The following DCDC1 variants were observed in gnomAD, a reference collection of about 807,000 sequenced individuals.
DCDC1 encodes doublecortin domain containing 1.
Under a neutral mutation model 178.3 loss-of-function variants are expected in DCDC1, and 200 were observed. The ratio of observed to expected loss-of-function variants is 1.12; its 90% confidence interval spans 1.00 to 1.26. DCDC1 has a LOEUF of 1.26. DCDC1 is among the 50% of genes most tolerant of loss of function. The probability of loss-of-function intolerance (pLI) is 0.00; values close to 1 mark genes in which losing one functional copy is unlikely to be tolerated. For missense variants in DCDC1, 1,983 were observed against 1,749.2 expected (o/e 1.13, Z -2.38); for synonymous variants, 690 against 604.8 (o/e 1.14, Z -2.07).
At chr11:31,009,460 G>GTGTA (rs1952044351) in intron 20 of DCDC1, among the ~76,000 whole-genome samples, 1 of 151,608 alleles carries the variant, frequency 6.6e-6, no homozygotes, top group Admixed American at 6.6e-5. Flanking sequence ...GTGTGTGTGT[G>GTGTA]TGTGTGTGTG....
Position 31,296,189 on chromosome 11 carries a change from A to G in DCDC1, c.755-5337T>C, listed in dbSNP as rs182431093. 5.2e-4 allele frequency among the ~76,000 whole-genome samples: 79 copies of G among 152,294 alleles called. No homozygotes were observed. In the Middle Eastern group the frequency reaches 0.02, roughly 39 times the overall value. On this transcript the variant is annotated intron_variant, in intron 6 of 38. Transcript: ENST00000684477. ...CCTATGTGCCAGATTCTGTGCAAGG[A>G]ATATGAAAAAAGACACAAGTCCTTT...
chr11:31,298,604 C>A (rs965953436), intron 6 of DCDC1, among the ~76,000 whole-genome samples: 1 of 152,134 alleles, frequency 6.6e-6, no homozygotes, highest in African/African-American at 2.4e-5. Flanking sequence ...TTGATAGAAT[C>A]CATGTCTTAT....
chr11:31,254,479 A>G (rs1007834818), intron 8 of DCDC1, among the ~76,000 whole-genome samples: 5 of 152,366 alleles, frequency 3.3e-5, no homozygotes, highest in Non-Finnish European at 5.9e-5. Flanking sequence ...TTAGGAATAG[A>G]ATTTAGCTGT....
At chr11:31,063,895 A>T (rs1255536488) in intron 20 of DCDC1, among the ~76,000 whole-genome samples, 1 of 152,134 alleles carries the variant, frequency 6.6e-6, no homozygotes, top group Non-Finnish European at 1.5e-5. Context: ...AACCCCAACA[A>T]AATAATAATA....
intron 11 of DCDC1, among the ~76,000 whole-genome samples, chr11:31,123,815 T>C (rs1961161918): frequency 1.3e-5 from 2 of 152,118 alleles, no homozygotes; most frequent in Admixed American, 6.6e-5. Context: ...CCAACCATCT[T>C]GGTTTGCTGG....
In DCDC1 at chr11:31,103,671, T is replaced by C. The variant is rs778455539; in HGVS notation, c.1850A>G (p.Asn617Ser). The change falls in exon 14 of 39, where the codon AAT becomes AGT. Residue 617 changes from asparagine to serine, a missense_variant. Physicochemically the swap from Asn to Ser is conservative, Grantham distance 46. Coordinates refer to ENST00000684477, the MANE Select transcript of DCDC1 (RefSeq NM_001387274.1). ...MVAYKTFLDP[N>S]AVLLPGCGNW... ...GCCACATCCAGGTAGCAGAACAGCATTAGGATCCAAAAAGGTCTTATATGC... is the reference window on the plus strand; with the variant it reads ...GCCACATCCAGGTAGCAGAACAGCACTAGGATCCAAAAAGGTCTTATATGC... 7.8e-6 allele frequency: 6 copies of C among 764,970 alleles called. No homozygotes were observed. In the East Asian group the frequency reaches 1.2e-4, roughly 16 times the overall value. The allele number at this position is 764,970 out of a possible 1,614,324, so 47.4% of individuals were successfully genotyped here.
At chr11:31,122,149 T>C (rs919424398) in intron 11 of DCDC1, among the ~76,000 whole-genome samples, 2 of 152,112 alleles carry the variant, frequency 1.3e-5, no homozygotes, top group African/African-American at 4.8e-5. Context: ...CTGGAATTAA[T>C]GCAAGATGGT....
At chr11:31,062,747 T>C (rs558604874) in intron 20 of DCDC1, among the ~76,000 whole-genome samples, 3 of 152,192 alleles carry the variant, frequency 2.0e-5, no homozygotes, top group South Asian at 4.1e-4. Flanking sequence ...AGGTGGAATA[T>C]GTAATTTAGT....
At chr11:31,190,437 G>A (rs1474809895) in intron 9 of DCDC1, among the ~76,000 whole-genome samples, 1 of 152,154 alleles carries the variant, frequency 6.6e-6, no homozygotes, top group East Asian at 1.9e-4. Context: ...ATGTGACTTA[G>A]TATCAATACA....
intron 9 of DCDC1, among the ~76,000 whole-genome samples, chr11:31,195,287 T>C (rs1308572198): frequency 6.6e-6 from 1 of 152,120 alleles, no homozygotes; most frequent in Non-Finnish European, 1.5e-5. Context: ...GTGAAACCTT[T>C]GGCAAAAATT....
chr11:31,003,496 A>C, intron 20 of DCDC1, among the ~76,000 whole-genome samples: 1 of 152,190 alleles, frequency 6.6e-6, no homozygotes, highest in East Asian at 1.9e-4. Context: ...ACATCATAGA[A>C]GAAACACCTA....
intron 20 of DCDC1, among the ~76,000 whole-genome samples, chr11:30,997,318 C>T (rs566865982): frequency 1.3e-5 from 2 of 152,074 alleles, no homozygotes; most frequent in Non-Finnish European, 2.9e-5. Flanking sequence ...TGAAGAGTGG[C>T]TTTTACTGTC....
intron 3 of DCDC1, among the ~76,000 whole-genome samples, chr11:31,309,879 C>T (rs1948667425): frequency 6.6e-6 from 1 of 152,060 alleles, no homozygotes; most frequent in Non-Finnish European, 1.5e-5. Context: ...ATTCATGTTG[C>T]TCTATGCTCT....
intron 9 of DCDC1, among the ~76,000 whole-genome samples, chr11:31,192,426 A>T (rs1444388810): frequency 6.6e-6 from 1 of 152,046 alleles, no homozygotes; most frequent in Non-Finnish European, 1.5e-5. Context: ...CAACTATGTC[A>T]AGTCAGTATT....
chr11:31,214,606 T>C (rs898828948), intron 9 of DCDC1, among the ~76,000 whole-genome samples: 2 of 152,106 alleles, frequency 1.3e-5, no homozygotes, highest in Non-Finnish European at 2.9e-5. Context: ...CCCCAAGGAT[T>C]GATGAACAAG....
intron 9 of DCDC1, among the ~76,000 whole-genome samples, chr11:31,198,072 A>G (rs1200133306): frequency 6.6e-6 from 1 of 152,078 alleles, no homozygotes; most frequent in African/African-American, 2.4e-5. Flanking sequence ...TGTCATCATC[A>G]TCATGAAAAT....
intron 21 of DCDC1, among the ~76,000 whole-genome samples, chr11:30,936,568 T>G (rs539746745): frequency 6.6e-6 from 1 of 152,184 alleles, no homozygotes; most frequent in South Asian, 2.1e-4. Context: ...AGCCTGAAAG[T>G]TGAGGTTGTA....
chr11:30,873,229 C>T (rs945702892), intron 38 of DCDC1, among the ~76,000 whole-genome samples: 1 of 150,482 alleles, frequency 6.6e-6, no homozygotes, highest in Non-Finnish European at 1.5e-5. Context: ...AATCAAAATC[C>T]ACAATGGGAT....
chr11:30,953,373 G>A (rs570544880), intron 20 of DCDC1, among the ~76,000 whole-genome samples: 1 of 150,372 alleles, frequency 6.7e-6, no homozygotes, highest in African/African-American at 2.4e-5. Context: ...TACCAGATGG[G>A]GGGGAAAAAT....
Sources: allele counts gnomAD v4.1 joint callset (sites outside exome capture counted in the v4.1 genomes callset), GRCh38; gene constraint gnomAD v4.1.1; transcripts MANE v1.5; gene names NCBI Gene and HGNC (gene_info 2026-07-23, HGNC 2026-07-21).